FLT4: variants seen among roughly 807,000 people sequenced by gnomAD.
The protein encoded by FLT4 is fms related receptor tyrosine kinase 4, also known as vascular endothelial growth factor receptor 3.
In FLT4, 30 loss-of-function variants were observed where a neutral mutation model predicts 163.2. The ratio of observed to expected loss-of-function variants is 0.18; its 90% CI spans 0.14 to 0.25. The LOEUF is 0.25. FLT4 is among the 10% of genes least tolerant of loss of function. The probability of loss-of-function intolerance (pLI) is 1.00; values close to 1 mark genes in which losing one functional copy is unlikely to be tolerated. For synonymous variants in FLT4, 884 were observed against 789.5 expected, an observed-to-expected ratio of 1.12 and a Z score of -2.01; for missense variants, 1,510 against 1,863.8, an observed-to-expected ratio of 0.81 and a Z score of 3.50.
chr5:180,630,907 A>G lies in FLT4; in HGVS notation c.156-108T>C, dbSNP rs961305790. ...TCACCAGGTTTGTCTTACCCAGAGC[A>G]TGGAACTGCCCAGGGTTTGGGCGCA... On this transcript the variant is annotated intron_variant, in intron 2 of 29. Transcript: ENST00000261937. The surrounding 1 kb of genome is among the most constrained non-coding windows in gnomAD (Gnocchi z 6.3). The G allele has an allele frequency of 2.2e-6, 3 of 1,339,784 alleles. No homozygotes were observed. Among genetic ancestry groups the G allele is most frequent in the Non-Finnish European group, 3.0e-6 (3 of 998,390 alleles). 83.0% of individuals were successfully genotyped at this position (1,339,784 alleles called of 1,614,324 possible).
At chr5:180,629,100 G>T in intron 7 of FLT4, 101 bp from the exon 8 acceptor site, 1 of 1,431,678 alleles carries the variant, frequency 7.0e-7, no homozygotes, top group Non-Finnish European at 9.8e-7. Context: ...CCGGACATCC[G>T]CAGACTGGGG....
chr5:180,641,314 G>C (rs1199669550), intron 1 of FLT4, among the ~76,000 whole-genome samples: 1 of 152,244 alleles, frequency 6.6e-6, no homozygotes, highest in Non-Finnish European at 1.5e-5. Context: ...GCCGGCACAG[G>C]GATGGCACTG....
At position 180,612,956 on chromosome 5, in the gene FLT4, C is replaced by G. The variant is rs958379842; in HGVS notation, c.3431+55G>C. The G allele has an allele frequency of 1.2e-5, 17 of 1,386,350 alleles. No homozygotes were observed. The Admixed American group carries it at 3.0e-4, about 25-fold the overall frequency. 85.9% of individuals were successfully genotyped at this position (1,386,350 alleles called of 1,614,324 possible). A position where few individuals can be genotyped will look rare whatever the true frequency, so the allele number is the denominator to read the frequency against. On this transcript the variant is annotated intron_variant, in intron 25 of 29. Transcript: ENST00000261937. The stretch of plus-strand genomic sequence containing the variant: ...TGCCACCTTCTCATGGACACAACCC[C>G]CACGCCCCCGACGCTTGCTGTCCCC...
At position 180,636,458 on chromosome 5, in the gene FLT4, C is replaced by T. The variant is rs180823878; in HGVS notation, c.59-4680G>A. On this transcript the variant is annotated intron_variant, in intron 1 of 29. Coordinates refer to ENST00000261937, the MANE Select transcript of FLT4 (RefSeq NM_182925.5). This position sits in a 1 kb window ranked among gnomAD's most constrained non-coding sequence, Gnocchi z 4.3. The stretch of plus-strand genomic sequence containing the variant: ...TCCCTCTGAGGGTCCTGCTCTTTGG[C>T]GGCACCGCCCTCTTCCCCATTAAAG... Among the ~76,000 whole-genome samples the T allele has an allele frequency of 3.3e-5, 5 of 152,192 alleles. No individual in the cohort carries two copies. Among genetic ancestry groups the T allele is most frequent in the East Asian group, 1.9e-4 (1 of 5,150 alleles).
In FLT4 at chr5:180,623,816, C is replaced by T. The variant is rs2306189; in HGVS notation, c.1548+119G>A. The T allele has an allele frequency of 1.3e-3, 1,700 of 1,327,454 alleles. 6 individuals carry two copies. In the East Asian group the frequency reaches 0.016, roughly 12 times the overall value. The allele number at this position is 1,327,454 out of a possible 1,614,324, so 82.2% of individuals were successfully genotyped here. On this transcript the variant is annotated intron_variant, in intron 11 of 29. Coordinates refer to ENST00000261937, the MANE Select transcript of FLT4 (RefSeq NM_182925.5). This position sits in a 1 kb window ranked among gnomAD's most constrained non-coding sequence, Gnocchi z 5.8. ...GCCTACAGACTGCAGGAAGGTCACC[C>T]GCTCTCGGCTGCTCTGCCCAGCACT...
chr5:180,623,051 A>G lies in FLT4; in HGVS notation c.1549-212T>C, dbSNP rs532810784. 2.3e-3 allele frequency among the ~76,000 whole-genome samples: 356 copies of G among 152,252 alleles called. No homozygotes were observed. Among genetic ancestry groups the G allele is most frequent in the Middle Eastern group, 3.4e-3 (1 of 294 alleles). Reference sequence around the variant, plus strand: ...CAGCAGAGAGAGGTAGCTGCCCAGAAAAGTCAAGGGACAGTGTATGGACTG... The same window carrying G: ...CAGCAGAGAGAGGTAGCTGCCCAGAGAAGTCAAGGGACAGTGTATGGACTG... On this transcript the variant is annotated intron_variant, in intron 11 of 29. Transcript: ENST00000261937. The surrounding 1 kb of genome is among the most constrained non-coding windows in gnomAD (Gnocchi z 5.8).
rs78654770 is a variant in FLT4 at position 180,644,728 on chromosome 5, C to T, written c.58+4760G>A. On this transcript the variant is annotated intron_variant, in intron 1 of 29. Transcript: ENST00000261937. ...TTCACACGGAGGTGTGGCCCACTGC[C>T]GGACACGCCACATCTGTGTGCATGT... Among the ~76,000 whole-genome samples the T allele has an allele frequency of 5.3e-4, 81 of 152,378 alleles. No homozygotes were observed. The East Asian group carries it at 0.011, about 21-fold the overall frequency.
rs1390213157 is a variant in FLT4, at chr5:180,610,011, A to G, written c.3701T>C (p.Val1234Ala). Reference protein sequence around the residue: ...HSLAARYYNWVSFPGCLARGA... With the variant: ...HSLAARYYNWASFPGCLARGA... The stretch of plus-strand genomic sequence containing the variant: ...TCTGGCCAGGCACCCGGGAAAGGAC[A>G]CCCAGTTGTAATACCTGTGGGGAGA... Residue 1234 changes from valine to alanine, a missense_variant, in exon 28 of 30, where the codon GTG (valine) becomes GCG (alanine). By Grantham distance (64) the Val-to-Ala change is moderately conservative. Around this residue, in one of 5 missense-constraint regions of FLT4, gnomAD observed 295 missense variants for 311.0 expected, o/e 0.95. Transcript: ENST00000261937. The G allele has an allele frequency of 6.2e-7, 1 of 1,614,006 alleles. No homozygotes were observed. Among genetic ancestry groups the G allele is most frequent in the Non-Finnish European group, 8.5e-7 (1 of 1,180,006 alleles).
chr5:180,649,385 C>A (rs1161623378), intron 1 of FLT4, 103 bp downstream of exon 1: 2 of 859,186 alleles, frequency 2.3e-6, no homozygotes, highest in South Asian at 4.0e-5. Flanking sequence ...CCGTGTCCCC[C>A]GCCCGTACCC....
Position 180,601,752 on chromosome 5 carries a change from G to A in FLT4, c.*1440C>T. 1 of 233,172 alleles carries A rather than the reference G, an allele frequency of 4.3e-6. No individual in the cohort carries two copies. The highest frequency in any genetic ancestry group is 8.5e-6 in the Non-Finnish European group (1 of 117,980). 14.4% of individuals were successfully genotyped at this position (233,172 alleles called of 1,614,324 possible). On this transcript the variant is annotated 3_prime_UTR_variant, in exon 30 of 30. Transcript: ENST00000261937. ...GTCCCACGTTGGACGACGTGCAGAG[G>A]AAGGGGGAGGTCCACGGGGACGACG...
At chr5:180,610,585 T>G (rs1436753969) in intron 27 of FLT4, among the ~76,000 whole-genome samples, 1 of 152,218 alleles carries the variant, frequency 6.6e-6, no homozygotes, top group South Asian at 2.1e-4. Context: ...TAAGAGAGCC[T>G]GGGCAGAGTT....
intron 29 of FLT4, chr5:180,608,189 A>G (rs909837473): frequency 3.0e-5 from 21 of 700,542 alleles, no homozygotes; most frequent in Non-Finnish European, 5.2e-5. Context: ...TAGCAGTAGA[A>G]GAAATAGCGA....
chr5:180,639,857 C>G (rs1455280386), intron 1 of FLT4, among the ~76,000 whole-genome samples: 1 of 152,192 alleles, frequency 6.6e-6, no homozygotes, highest in Non-Finnish European at 1.5e-5. Flanking sequence ...TCATCCTGGC[C>G]TCTGCTGCGC....
intron 29 of FLT4, among the ~76,000 whole-genome samples, chr5:180,603,620 G>A (rs1228731709): frequency 6.6e-6 from 1 of 152,240 alleles, no homozygotes; most frequent in Non-Finnish European, 1.5e-5. Context: ...AATTGCTTGA[G>A]GCCGGGTGCG....
At chr5:180,625,365 G>A (rs1362071988) in intron 10 of FLT4, among the ~76,000 whole-genome samples, 4 of 152,182 alleles carry the variant, frequency 2.6e-5, no homozygotes, top group African/African-American at 9.7e-5. Flanking sequence ...TGGGAAAGCC[G>A]CCTCCCTTCT....
intron 2 of FLT4, 77 bp downstream of exon 2, chr5:180,631,605 C>A: frequency 8.3e-7 from 1 of 1,201,818 alleles, no homozygotes. Flanking sequence ...GGGCTGCCAT[C>A]TGGGCCCACA....
intron 2 of FLT4, among the ~76,000 whole-genome samples, chr5:180,631,008 C>T (rs307820): frequency 2.6e-5 from 4 of 151,962 alleles, no homozygotes; most frequent in Non-Finnish European, 4.4e-5. Flanking sequence ...TGGCCTGTGG[C>T]CAAGCACAGG....
intron 10 of FLT4, among the ~76,000 whole-genome samples, chr5:180,624,461 C>T (rs956995513): frequency 6.6e-6 from 1 of 152,192 alleles, no homozygotes; most frequent in Non-Finnish European, 1.5e-5. Context: ...CTCCTGACCT[C>T]AGGTGATTGG....
intron 1 of FLT4, 110 bp downstream of exon 1, chr5:180,649,378 T>G: frequency 2.7e-6 from 2 of 744,088 alleles, no homozygotes; most frequent in Non-Finnish European, 1.9e-6. Flanking sequence ...AGGGCCACCG[T>G]GTCCCCCGCC....
Sources: gnomAD v4.1 joint callset for allele counts (sites outside exome capture counted in the v4.1 genomes callset) on GRCh38, gnomAD v4.1.1 for gene constraint, gnomAD v4.1.1 regional missense constraint, Gnocchi (gnomAD v3.1) non-coding constraint, MANE v1.5 for transcripts, NCBI Gene and HGNC (gene_info 2026-07-23, HGNC 2026-07-21) for gene names.